DDX52: variants seen among roughly 807,000 people sequenced by gnomAD.
DDX52 encodes DExD-box helicase 52.
Under a neutral mutation model 76.1 loss-of-function variants are expected in DDX52, and 59 were observed. The ratio of observed to expected loss-of-function variants is 0.78; its 90% confidence interval spans 0.63 to 0.96. The LOEUF (loss-of-function observed/expected upper bound fraction) is 0.96, where lower values mean the gene tolerates loss of function less well. Among genes scored for constraint, DDX52 ranks in the 40% least tolerant of loss-of-function variants. The probability of loss-of-function intolerance (pLI) is 0.00; values close to 1 mark genes in which losing one functional copy is unlikely to be tolerated. For missense variants in DDX52, 707 were observed against 703.9 expected, an observed-to-expected ratio of 1.00 and a Z score of -0.05; for synonymous variants, 231 against 244.1, an observed-to-expected ratio of 0.95 and a Z score of 0.50.
intron 8 of DDX52, 88 bp from the exon 9 acceptor site, chr17:37,624,522 ACTC>A: frequency 2.2e-6 from 2 of 917,062 alleles, no homozygotes; most frequent in Non-Finnish European, 3.2e-6. Context: ...TTTACACACA[ACTC>A]CAACAAAATC....
chr17:37,642,544 A>AT (rs2031253741), intron 1 of DDX52, among the ~76,000 whole-genome samples: 1 of 152,240 alleles, frequency 6.6e-6, no homozygotes, highest in South Asian at 2.1e-4. Flanking sequence ...ATTTCTAAGC[A>AT]TGTTTATACA....
intron 9 of DDX52, among the ~76,000 whole-genome samples, chr17:37,622,291 CTTTT>C: frequency 6.9e-6 from 1 of 144,206 alleles, no homozygotes; most frequent in South Asian, 2.3e-4. Flanking sequence ...GTTTCTTAGC[CTTTT>C]TTTTTCTTTT....
chr17:37,617,416 G>A (rs2147335091), intron 14 of DDX52, among the ~76,000 whole-genome samples: 1 of 152,352 alleles, frequency 6.6e-6, no homozygotes, highest in South Asian at 2.1e-4. Context: ...AGTGGATAGA[G>A]TATAACTGTT....
Position 37,628,612 on chromosome 17 carries a change from T to C in DDX52, c.808A>G (p.Lys270Glu). 4 of 1,612,446 alleles carry C rather than the reference T, an allele frequency of 2.5e-6. No individual in the cohort carries two copies. In the East Asian group the frequency reaches 6.7e-5, roughly 27 times the overall value. The change falls in exon 6 of 15, where the codon AAA becomes GAA. Residue 270 changes from lysine (K) to glutamate (E), a missense_variant. By Grantham distance (56) the Lys-to-Glu change is moderately conservative. Coordinates refer to ENST00000617633, the MANE Select transcript of DDX52 (RefSeq NM_007010.5). Reference protein sequence around the residue: ...GTGFRIHMIHKAAVAAKKFGP... With the variant: ...GTGFRIHMIHEAAVAAKKFGP... ...AATTTCTTGGCTGCCACTGCTGCTT[T>C]GTGGATCATGTGTATTCTGAATCCT...
chr17:37,643,294 C>G (rs1427632472), intron 1 of DDX52, 40 bp downstream of exon 1: 1 of 1,590,888 alleles, frequency 6.3e-7, no homozygotes, highest in East Asian at 2.3e-5. Context: ...GCTCCTGCTC[C>G]TTCTCAGTTA....
chr17:37,622,573 G>A (rs780076965), intron 9 of DDX52, among the ~76,000 whole-genome samples: 4 of 151,346 alleles, frequency 2.6e-5, no homozygotes, highest in South Asian at 2.1e-4. Flanking sequence ...GGATTACACC[G>A]GTGAGCCACC....
At chr17:37,617,673 C>A (rs2029878273) in intron 14 of DDX52, among the ~76,000 whole-genome samples, 1 of 152,180 alleles carries the variant, frequency 6.6e-6, no homozygotes, top group Admixed American at 6.5e-5. Flanking sequence ...CCATGTAAGT[C>A]AATGGTCCTA....
chr17:37,621,235 C>A lies in DDX52; in HGVS notation c.1393G>T (p.Val465Phe). ...VHSFRAGKIW[V>F]LICTALLARG... ...GCTAGCAAGGCTGTACAAATCAGAA[C>A]CCAGATTTTTCCTGCTCTGAAACTG... Residue 465 changes from valine (V) to phenylalanine (F), a missense_variant, in exon 11 of 15, where the codon GTT (valine) becomes TTT (phenylalanine). Val to Phe is a conservative substitution (Grantham distance 50). Transcript: ENST00000617633. 1 of 1,613,748 alleles carries A rather than the reference C, an allele frequency of 6.2e-7. No homozygotes were observed. The highest frequency in any genetic ancestry group is 8.5e-7 in the Non-Finnish European group (1 of 1,179,896).
intron 9 of DDX52, chr17:37,623,911 G>A (rs964803765): frequency 6.5e-6 from 1 of 152,708 alleles, no homozygotes; most frequent in Non-Finnish European, 1.5e-5. Flanking sequence ...TTTCTACTCA[G>A]TTCTTACTGA....
chr17:37,629,228 T>TACACAC (rs10661586), intron 5 of DDX52, among the ~76,000 whole-genome samples: 115 of 133,876 alleles, frequency 8.6e-4, no homozygotes, highest in Non-Finnish European at 1.2e-3. Flanking sequence ...CAAGAAAAAA[T>TACACAC]ACACACACAC....
At position 37,612,028 on chromosome 17, in the gene DDX52, GAAGA is replaced by G. The variant is rs1235089775; in HGVS notation, c.*2264_*2267del. The G allele has an allele frequency of 2.0e-5, 3 of 147,882 alleles. No homozygotes were observed. In the East Asian group the frequency reaches 5.9e-4, roughly 29 times the overall value. The allele number at this position is 147,882 out of a possible 1,614,324, so 9.2% of individuals were successfully genotyped here. ...TACAGTAAGCTAAGGTTAATTTATT[GAAGA>G]AAAAATATATATCTAATATATATAA... On this transcript the variant is annotated 3_prime_UTR_variant, in exon 15 of 15. Transcript: ENST00000617633.
chr17:37,643,343 A>G lies in DDX52; in HGVS notation c.78T>C (p.Ala26=), dbSNP rs781725058. The change falls in exon 1 of 15, where the codon GCT becomes GCC. Residue 26 remains alanine (A), a synonymous_variant. Coordinates refer to ENST00000617633, the MANE Select transcript of DDX52 (RefSeq NM_007010.5). ...CCCTTGGGCACAGTACCTGGAATCG[A>G]GCTGCGTCTGCCGAGAAGCGTCTCG... is the stretch of plus-strand genomic sequence containing the variant. The part of the protein sequence containing the change: ...FDTRRFSADA[A]RFQIGKRKYD... The G allele has an allele frequency of 6.2e-7, 1 of 1,613,782 alleles. No individual in the cohort carries two copies. The highest frequency in any genetic ancestry group is 1.1e-5 in the South Asian group (1 of 91,074).
intron 14 of DDX52, among the ~76,000 whole-genome samples, chr17:37,614,700 G>C (rs1393890458): frequency 6.6e-6 from 1 of 152,182 alleles, no homozygotes; most frequent in East Asian, 1.9e-4. Context: ...CAACTTATGA[G>C]GAGTATTGTA....
At chr17:37,619,287 G>A (rs1464594010) in intron 13 of DDX52, among the ~76,000 whole-genome samples, 1 of 152,152 alleles carries the variant, frequency 6.6e-6, no homozygotes, top group Non-Finnish European at 1.5e-5. Context: ...GCTGAAGCAG[G>A]AGAACTGCTT....
At chr17:37,625,008 G>A (rs2030292704) in intron 8 of DDX52, among the ~76,000 whole-genome samples, 1 of 150,344 alleles carries the variant, frequency 6.7e-6, no homozygotes, top group South Asian at 2.1e-4. Flanking sequence ...CTGCTTTCCT[G>A]TTTTTTTTGT....
intron 5 of DDX52, 71 bp downstream of exon 5, chr17:37,629,959 A>G: frequency 6.5e-7 from 1 of 1,541,840 alleles, no homozygotes; most frequent in Non-Finnish European, 8.7e-7. Context: ...AGATCTTTTT[A>G]TTACCTTCAA....
chr17:37,618,427 T>G, intron 13 of DDX52, 43 bp from the exon 14 acceptor site: 3 of 1,478,678 alleles, frequency 2.0e-6, no homozygotes, highest in Non-Finnish European at 2.7e-6. Context: ...TAAGTGCAAC[T>G]TCAATTAGAA....
At position 37,612,930 on chromosome 17, in the gene DDX52, A is replaced by G. The variant is rs1568595126; in HGVS notation, c.*1366T>C. ...GGGTAAAGGATCTGTTTGCATGAAC[A>G]AACAAAAAAATCATATTCTTGTAAG... On this transcript the variant is annotated 3_prime_UTR_variant, in exon 15 of 15. Transcript: ENST00000617633. 1.3e-5 allele frequency: 2 copies of G among 152,224 alleles called. No individual in the cohort carries two copies. The highest frequency in any genetic ancestry group is 4.8e-5 in the African/African-American group (2 of 41,458). 9.4% of individuals were successfully genotyped at this position (152,224 alleles called of 1,614,324 possible). A position where few individuals can be genotyped will look rare whatever the true frequency, so the allele number is the denominator to read the frequency against.
At chr17:37,618,214 A>C in intron 14 of DDX52, 78 bp downstream of exon 14, 1 of 1,166,278 alleles carries the variant, frequency 8.6e-7, no homozygotes, top group Non-Finnish European at 1.2e-6. Context: ...TACTTCTAAA[A>C]ATTTACCTAA....
Sources: allele counts gnomAD v4.1 joint callset (sites outside exome capture counted in the v4.1 genomes callset), GRCh38; gene constraint gnomAD v4.1.1; transcripts MANE v1.5; gene names NCBI Gene and HGNC (gene_info 2026-07-23, HGNC 2026-07-21).